The following OSBPL9 variants were observed in gnomAD, a reference collection of about 807,000 sequenced individuals.
OSBPL9 encodes oxysterol-binding protein-related protein 9.
Under a neutral mutation model 106.6 loss-of-function variants are expected in OSBPL9, and 40 were observed. The observed-to-expected ratio is 0.38, with a 90% CI of 0.29 to 0.49. OSBPL9 has a LOEUF of 0.49. Ranked by LOEUF, OSBPL9 falls within the 20% of genes least tolerant of loss-of-function variation. OSBPL9 has a pLI of 0.97. For synonymous variants in OSBPL9, 269 were observed against 295.4 expected (o/e 0.91, Z 0.92); for missense variants, 609 against 887.2 (o/e 0.69, Z 3.98).
intron 4 of OSBPL9, among the ~76,000 whole-genome samples, chr1:51,733,327 C>T (rs1418530998): frequency 1.3e-5 from 2 of 152,072 alleles, no homozygotes; most frequent in East Asian, 3.9e-4. Context: ...AAATATGTGA[C>T]GATAATAGCT....
chr1:51,619,565 A>AT (rs138841650), intron 1 of OSBPL9, among the ~76,000 whole-genome samples: 1,868 of 152,074 alleles, frequency 0.012, 40 homozygotes, highest in African/African-American at 0.044. Flanking sequence ...TGTTTAGAAG[A>AT]TTTTTTTTCT....
chr1:51,580,493 G>A (rs10888729), intron 1 of OSBPL9, among the ~76,000 whole-genome samples: 24,023 of 152,044 alleles, frequency 0.16, 3,670 homozygotes, highest in African/African-American at 0.4. Context: ...TTTCTAATCA[G>A]CTATACCCTA....
At chr1:51,668,544 C>T (rs1483012950) in intron 2 of OSBPL9, among the ~76,000 whole-genome samples, 2 of 152,148 alleles carry the variant, frequency 1.3e-5, no homozygotes, top group Non-Finnish European at 2.9e-5. Context: ...ATCACTTGAA[C>T]CTGGGAGGTG....
At chr1:51,584,260 T>C (rs1241920446) in intron 1 of OSBPL9, among the ~76,000 whole-genome samples, 1 of 152,198 alleles carries the variant, frequency 6.6e-6, no homozygotes, top group Non-Finnish European at 1.5e-5. Flanking sequence ...ACCTGACACT[T>C]GGCAGCTTGT....
At chr1:51,624,445 G>A (rs1013286750) in intron 1 of OSBPL9, among the ~76,000 whole-genome samples, 11 of 151,756 alleles carry the variant, frequency 7.2e-5, no homozygotes, top group Non-Finnish European at 5.9e-5. Context: ...AAAATTAGCC[G>A]GGCATGGTGG....
At chr1:51,552,660 T>A in the OSBPL9 span, among the ~76,000 whole-genome samples, 1 of 152,160 alleles carries the variant, frequency 6.6e-6, no homozygotes, top group African/African-American at 2.4e-5. Flanking sequence ...TGGCTCATGC[T>A]GTTGCCCAGA....
At chr1:51,717,050 C>G (rs980282648) in intron 4 of OSBPL9, among the ~76,000 whole-genome samples, 3 of 152,186 alleles carry the variant, frequency 2.0e-5, no homozygotes, top group Non-Finnish European at 4.4e-5. Context: ...ACTGCAACCT[C>G]TGCCTCCCCT....
chr1:51,573,570 T>C (rs1645165377), upstream of OSBPL9, among the ~76,000 whole-genome samples: 1 of 142,146 alleles, frequency 7.0e-6, no homozygotes, highest in Admixed American at 7.1e-5. Flanking sequence ...AATCCCAGCA[T>C]TTTGGGAGGC....
chr1:51,571,469 C>G, the OSBPL9 span, among the ~76,000 whole-genome samples: 6 of 152,024 alleles, frequency 3.9e-5, no homozygotes, highest in Admixed American at 3.9e-4. Context: ...AGTTTAAGAC[C>G]AGCATGGGCA....
chr1:51,601,647 A>G (rs1485397041), intron 2 of OSBPL9, among the ~76,000 whole-genome samples: 1 of 152,228 alleles, frequency 6.6e-6, no homozygotes, highest in African/African-American at 2.4e-5. Context: ...CTACTCTACA[A>G]GCATTAGTTT....
chr1:51,738,067 T>C (rs544032459), intron 4 of OSBPL9, among the ~76,000 whole-genome samples: 1 of 152,192 alleles, frequency 6.6e-6, no homozygotes, highest in African/African-American at 2.4e-5. Flanking sequence ...TAACTTCTTA[T>C]ATGGGTTTGT....
At chr1:51,527,341 G>C in the OSBPL9 span, among the ~76,000 whole-genome samples, 1 of 149,526 alleles carries the variant, frequency 6.7e-6, no homozygotes, top group Non-Finnish European at 1.5e-5. Context: ...TGATGATGAT[G>C]ATGATGATGA....
the OSBPL9 span, chr1:51,565,414 C>G: frequency 2.0e-5 from 3 of 152,154 alleles, no homozygotes; most frequent in African/African-American, 7.2e-5. Context: ...AATGTCTTCC[C>G]TCCACCCCAG....
Position 51,691,577 on chromosome 1 carries a change from C to T in OSBPL9, c.241+22065C>T, listed in dbSNP as rs565355259. On this transcript the variant is annotated intron_variant, in intron 3 of 23. Transcript: ENST00000428468. ...CTGGGATTACAGGCTTGAGCCACCG[C>T]ACCCAGCCATTAGCTTGCTGTAACT... 7.2e-5 allele frequency among the ~76,000 whole-genome samples: 11 copies of T among 151,858 alleles called. No individual in the cohort carries two copies. The South Asian group carries it at 2.3e-3, about 32-fold the overall frequency.
At chr1:51,787,053 C>T (rs549502848) in intron 22 of OSBPL9, among the ~76,000 whole-genome samples, 53 of 152,314 alleles carry the variant, frequency 3.5e-4, no homozygotes, top group African/African-American at 1.3e-3. Flanking sequence ...CCCAGAGTTG[C>T]ACAGTAAGTT....
intron 7 of OSBPL9, among the ~76,000 whole-genome samples, chr1:51,748,671 A>G (rs1668548981): frequency 6.6e-6 from 1 of 152,234 alleles, no homozygotes; most frequent in East Asian, 1.9e-4. Context: ...CGCACAGTGG[A>G]TATGTTATTT....
At chr1:51,533,370 C>A in the OSBPL9 span, among the ~76,000 whole-genome samples, 1 of 151,402 alleles carries the variant, frequency 6.6e-6, no homozygotes, top group East Asian at 1.9e-4. Flanking sequence ...CCTGTAGTCC[C>A]AGCTACTCTG....
chr1:51,653,985 G>C (rs1324333728), intron 2 of OSBPL9, among the ~76,000 whole-genome samples: 1 of 151,188 alleles, frequency 6.6e-6, no homozygotes, highest in Non-Finnish European at 1.5e-5. Flanking sequence ...CTGGGTGACA[G>C]AGTGAGACCC....
chr1:51,743,115 C>T (rs1667277173), intron 4 of OSBPL9, among the ~76,000 whole-genome samples: 1 of 152,106 alleles, frequency 6.6e-6, no homozygotes, highest in Admixed American at 6.5e-5. Flanking sequence ...GCAGATGGGG[C>T]AACTATATAC....
Sources: allele counts gnomAD v4.1 joint callset (sites outside exome capture counted in the v4.1 genomes callset), GRCh38; gene constraint gnomAD v4.1.1; transcripts MANE v1.5; gene names NCBI Gene and HGNC (gene_info 2026-07-23, HGNC 2026-07-21).